ERC2: variants seen among roughly 807,000 people sequenced by gnomAD.
The protein encoded by ERC2 is ELKS/RAB6-interacting/CAST family member 2, also known as ERC protein 2.
A neutral mutation model predicts 114.8 loss-of-function variants in ERC2; 42 were observed. That is an observed-to-expected ratio of 0.37 (90% CI 0.29 to 0.47). The LOEUF is 0.47. ERC2 is among the 20% of genes least tolerant of loss of function. The pLI, the probability that ERC2 is intolerant of heterozygous loss-of-function variation, is 0.99. For missense variants in ERC2, 939 were observed against 1,150.7 expected (o/e 0.82, Z 2.66); for synonymous variants, 454 against 425.5 (o/e 1.07, Z -0.82).
chr3:55,601,730 G>A (rs543697629), intron 17 of ERC2, among the ~76,000 whole-genome samples: 4 of 152,310 alleles, frequency 2.6e-5, no homozygotes, highest in African/African-American at 7.2e-5. Flanking sequence ...GGGAGGCTGA[G>A]GCAAGAGAAT....
chr3:55,610,173 T>G (rs561463361), intron 17 of ERC2, among the ~76,000 whole-genome samples: 162 of 151,162 alleles, frequency 1.1e-3, no homozygotes, highest in Non-Finnish European at 1.7e-3. Flanking sequence ...CTTTGTGCAA[T>G]GTAGGATATT....
chr3:56,346,389 CA>C (rs2058308487), intron 2 of ERC2, among the ~76,000 whole-genome samples: 1 of 151,982 alleles, frequency 6.6e-6, no homozygotes, highest in South Asian at 2.1e-4. Context: ...AAAATCAACT[CA>C]AAATGGATTA....
intron 6 of ERC2, among the ~76,000 whole-genome samples, chr3:56,102,912 C>T (rs913812774): frequency 1.3e-5 from 2 of 151,648 alleles, no homozygotes; most frequent in Admixed American, 6.6e-5. Flanking sequence ...TTTTTTTTGT[C>T]ACCATTGACC....
chr3:55,784,155 C>T lies in ERC2; in HGVS notation c.2565-49237G>A, dbSNP rs1013589651. 1.3e-4 allele frequency among the ~76,000 whole-genome samples: 19 copies of T among 151,838 alleles called. 1 individual carries two copies. Among genetic ancestry groups the T allele is most frequent in the Non-Finnish European group, 2.9e-5 (2 of 67,976 alleles). On this transcript the variant is annotated intron_variant, in intron 14 of 17. Transcript: ENST00000288221. ...TGTAAAAAGAGGCAAAATTCTTTGT[C>T]TTTTGTTTTGTTTTTGTTTGTTTGT...
intron 3 of ERC2, among the ~76,000 whole-genome samples, chr3:56,178,261 C>T (rs1183558996): frequency 6.6e-6 from 1 of 152,152 alleles, no homozygotes; most frequent in East Asian, 1.9e-4. Flanking sequence ...CAAGTAAAAA[C>T]TTAACTTTCA....
intron 4 of ERC2, among the ~76,000 whole-genome samples, chr3:56,155,691 C>A (rs560304307): frequency 2.0e-5 from 3 of 152,036 alleles, no homozygotes; most frequent in African/African-American, 4.8e-5. Context: ...AGGAGCCTAA[C>A]GTGGGGTTTG....
intron 2 of ERC2, among the ~76,000 whole-genome samples, chr3:56,433,191 AAAGAG>A (rs143863427): frequency 0.3 from 6,640 of 22,008 alleles, 334 homozygotes; most frequent in South Asian, 0.43. Context: ...AAAAAAAAAA[AAAGAG>A]AGAGAGAGAG....
intron 6 of ERC2, among the ~76,000 whole-genome samples, chr3:56,102,262 C>G (rs2078403198): frequency 6.6e-6 from 1 of 152,174 alleles, no homozygotes. Flanking sequence ...GCCAGCCACA[C>G]CTTAGCTCCC....
chr3:56,090,750 T>C (rs935172573), intron 6 of ERC2, among the ~76,000 whole-genome samples: 6 of 151,450 alleles, frequency 4.0e-5, no homozygotes, highest in African/African-American at 1.5e-4. Flanking sequence ...ATAGTGAACA[T>C]TGTGCCCGAT....
intron 17 of ERC2, among the ~76,000 whole-genome samples, chr3:55,670,197 T>C (rs570668458): frequency 2.6e-4 from 40 of 152,298 alleles, no homozygotes; most frequent in African/African-American, 9.4e-4. Flanking sequence ...CACACAGCTT[T>C]CAGGGACAGA....
intron 14 of ERC2, among the ~76,000 whole-genome samples, chr3:55,819,161 G>C (rs1460486954): frequency 6.6e-6 from 1 of 152,132 alleles, no homozygotes; most frequent in Non-Finnish European, 1.5e-5. Flanking sequence ...TTCTTTCAAT[G>C]GTCCTGGGAA....
intron 2 of ERC2, among the ~76,000 whole-genome samples, chr3:56,402,891 T>C (rs905980480): frequency 2.6e-5 from 4 of 152,194 alleles, no homozygotes; most frequent in Non-Finnish European, 5.9e-5. Flanking sequence ...CTATTGACAT[T>C]TTGGGCTGGA....
intron 12 of ERC2, among the ~76,000 whole-genome samples, chr3:55,978,906 T>C (rs2069831070): frequency 6.6e-6 from 1 of 152,184 alleles, no homozygotes; most frequent in Non-Finnish European, 1.5e-5. Flanking sequence ...CCTAGAACAC[T>C]GCTTCTTTAT....
At chr3:56,462,994 A>C (rs1577075468) in intron 1 of ERC2, among the ~76,000 whole-genome samples, 2 of 152,180 alleles carry the variant, frequency 1.3e-5, no homozygotes, top group African/African-American at 2.4e-5. Context: ...TGGGAGGCCA[A>C]GGCAGGCAGA....
At chr3:55,853,983 G>A (rs2061679688) in intron 14 of ERC2, among the ~76,000 whole-genome samples, 1 of 152,150 alleles carries the variant, frequency 6.6e-6, no homozygotes, top group Non-Finnish European at 1.5e-5. Flanking sequence ...ATTCCACAAA[G>A]CACGAAGCAG....
chr3:56,168,618 ATATGAAACTTGG>A (rs1223650074), intron 4 of ERC2, among the ~76,000 whole-genome samples: 1 of 152,182 alleles, frequency 6.6e-6, no homozygotes, highest in Non-Finnish European at 1.5e-5. Flanking sequence ...CTTTCCAGTT[ATATGAAACTTGG>A]TAAAGTTGCG....
intron 2 of ERC2, among the ~76,000 whole-genome samples, chr3:56,397,510 CT>C (rs2060356678): frequency 1.3e-5 from 2 of 152,276 alleles, no homozygotes; most frequent in South Asian, 4.1e-4. Context: ...CTGTAGCTTG[CT>C]TTTTTCCACT....
chr3:55,952,179 A>ATATATATATATAT lies in ERC2; in HGVS notation c.2268-1620_2268-1619insATATATATATATA, dbSNP rs2067608452. Among the ~76,000 whole-genome samples, 6 of 62,108 alleles carry ATATATATATATAT rather than the reference A, an allele frequency of 9.7e-5. 1 individual carries two copies. In the East Asian group the frequency reaches 2.5e-3, roughly 26 times the overall value. The allele number at this position is 62,108 out of a possible 152,430, so 40.7% of individuals were successfully genotyped here. ...CACACACACACACACACACACACAC[A>ATATATATATATAT]CTCTCTCTCTCTCTCTCTCTATATA... On this transcript the variant is annotated intron_variant, in intron 12 of 17. Transcript: ENST00000288221.
chr3:56,369,770 G>A (rs563086689), intron 2 of ERC2, among the ~76,000 whole-genome samples: 22 of 151,756 alleles, frequency 1.4e-4, no homozygotes, highest in East Asian at 1.2e-3. Context: ...TCTGCCTCCC[G>A]GATTCAAGCA....
Sources: gnomAD v4.1 joint callset for allele counts (sites outside exome capture counted in the v4.1 genomes callset) on GRCh38, gnomAD v4.1.1 for gene constraint, MANE v1.5 for transcripts, NCBI Gene and HGNC (gene_info 2026-07-23, HGNC 2026-07-21) for gene names.